Variants in MESP1 observed in about 807,000 individuals in gnomAD.
The protein encoded by MESP1 is mesoderm posterior bHLH transcription factor 1.
Under a neutral mutation model 15.2 loss-of-function variants are expected in MESP1, and 22 were observed. The observed-to-expected ratio is 1.45, with a 90% CI of 1.04 to 2.07. MESP1 has a LOEUF of 2.07. MESP1 is among the 30% of genes most tolerant of loss of function. The probability of loss-of-function intolerance (pLI) is 0.00; values close to 1 mark genes in which losing one functional copy is unlikely to be tolerated. For synonymous variants in MESP1, 216 were observed against 192.6 expected (o/e 1.12, Z -1.01); for missense variants, 484 against 411.9 (o/e 1.17, Z -1.51).
At chr15:89,747,593 T>C (rs1047178387), downstream of MESP1, among the ~76,000 whole-genome samples, 2 of 152,074 alleles carry the variant, frequency 1.3e-5, no homozygotes, top group African/African-American at 4.8e-5. Context: ...TGACTGGGCC[T>C]CAGGGGAGGT....
At chr15:89,750,442 C>T (rs1446280995) in intron 1 of MESP1, 67 bp downstream of exon 1, 2 of 1,462,974 alleles carry the variant, frequency 1.4e-6, no homozygotes, top group Non-Finnish European at 1.8e-6. Context: ...CTGGTCCTCA[C>T]CTTGGCGGGC....
Position 89,750,861 on chromosome 15 carries a change from T to A in MESP1, c.371A>T (p.Glu124Val). The A allele has an allele frequency of 6.5e-7, 1 of 1,528,680 alleles. No individual in the cohort carries two copies. The highest frequency in any genetic ancestry group is 8.7e-7 in the Non-Finnish European group (1 of 1,142,992). 94.7% of individuals were successfully genotyped at this position (1,528,680 alleles called of 1,614,324 possible). A position where few individuals can be genotyped will look rare whatever the true frequency, so the allele number is the denominator to read the frequency against. Residue 124 changes from glutamate to valine, a missense_variant, in exon 1 of 2, where the codon GAG (glutamate) becomes GTG (valine). Glu to Val is a moderately radical substitution (Grantham distance 121). Coordinates refer to ENST00000300057, the MANE Select transcript of MESP1 (RefSeq NM_018670.4). The part of the protein sequence containing the change: ...APAGQSLTKI[E>V]TLRLAIRYIG... The stretch of plus-strand genomic sequence containing the variant: ...ATAGCGGATAGCCAGGCGCAGCGTC[T>A]CGATCTTGGTCAGGCTCTGGCCCGC...
In MESP1 at chr15:89,751,167, G is replaced by C. The variant is rs569929702; in HGVS notation, c.65C>G (p.Thr22Ser). 3.8e-4 allele frequency: 487 copies of C among 1,271,606 alleles called. 9 individuals carry two copies. The East Asian group carries it at 0.014, about 38-fold the overall frequency. 78.8% of individuals were successfully genotyped at this position (1,271,606 alleles called of 1,614,324 possible). ...CTTGTCGGAGGGCGGCGGCCGCCGA[G>C]TTGGGCCCCAGGCCGCAGAGAGCAT... ...SWMLSAAWGPTRRPPPSDKDC... is the reference protein window; with the variant it reads ...SWMLSAAWGPSRRPPPSDKDC... The change falls in exon 1 of 2, where the codon ACT becomes AGT. Residue 22 changes from threonine (T) to serine (S), a missense_variant. Physicochemically the swap from Thr to Ser is moderately conservative, Grantham distance 58. Transcript: ENST00000300057.
chr15:89,747,677 A>T (rs959731662), downstream of MESP1, among the ~76,000 whole-genome samples: 4 of 152,176 alleles, frequency 2.6e-5, no homozygotes, highest in Non-Finnish European at 5.9e-5. Flanking sequence ...ACACCTGGTG[A>T]TTACGCACAC....
chr15:89,732,641 AC>A, the MESP1 span, among the ~76,000 whole-genome samples: 1 of 149,570 alleles, frequency 6.7e-6, no homozygotes, highest in East Asian at 1.9e-4. Flanking sequence ...ACACACACAC[AC>A]CGCCTTTTCT....
downstream of MESP1, among the ~76,000 whole-genome samples, chr15:89,747,301 C>A (rs888403341): frequency 7.2e-5 from 11 of 152,200 alleles, no homozygotes; most frequent in African/African-American, 2.7e-4. Flanking sequence ...AGAGTGCAAA[C>A]CTACCCACCT....
the MESP1 span, chr15:89,733,028 T>C: frequency 1.9e-6 from 3 of 1,614,200 alleles, no homozygotes; most frequent in Non-Finnish European, 2.5e-6. Flanking sequence ...GGGTCGCTGC[T>C]CTTCCTCAGG....
rs201384318 is a variant in MESP1 at position 89,750,176 on chromosome 15, G to A, written c.775C>T (p.Pro259Ser). The change falls in exon 2 of 2, where the codon CCT becomes TCT. Residue 259 changes from proline (P) to serine (S), a missense_variant. Physicochemically the swap from Pro to Ser is moderately conservative, Grantham distance 74. Coordinates refer to ENST00000300057, the MANE Select transcript of MESP1 (RefSeq NM_018670.4). ...GGCTCCTCAGGCAGCCACTCCAGAGGCGAGAGGGGCATCCAGGTCTCCAAC... is the reference window on the plus strand; with the variant it reads ...GGCTCCTCAGGCAGCCACTCCAGAGACGAGAGGGGCATCCAGGTCTCCAAC... The part of the protein sequence containing the change: ...ALLETWMPLS[P>S]LEWLPEEPK The A allele has an allele frequency of 2.3e-5, 37 of 1,614,096 alleles. No individual in the cohort carries two copies. The East Asian group carries it at 4.0e-4, about 17-fold the overall frequency.
chr15:89,742,973 C>A, the MESP1 span, among the ~76,000 whole-genome samples: 4 of 152,252 alleles, frequency 2.6e-5, no homozygotes, highest in African/African-American at 9.6e-5. Context: ...TGTGTCAGAA[C>A]ATCTTCCTTT....
In MESP1 at chr15:89,750,243, G is replaced by A; in HGVS notation, c.724-16C>T. 6.2e-7 allele frequency: 1 copy of A among 1,613,050 alleles called. No homozygotes were observed. The highest frequency in any genetic ancestry group is 8.5e-7 in the Non-Finnish European group (1 of 1,179,520). Reference sequence around the variant, plus strand: ...CCGGAAGGAGCTGTAGGGAGAGACGGAACAGCGCAGCCCTCAAGCACTGGT... The same window carrying A: ...CCGGAAGGAGCTGTAGGGAGAGACGAAACAGCGCAGCCCTCAAGCACTGGT... On this transcript the variant is annotated splice_polypyrimidine_tract_variant and intron_variant, in intron 1 of 1. Transcript: ENST00000300057.
downstream of MESP1, among the ~76,000 whole-genome samples, chr15:89,748,026 A>C (rs1282156044): frequency 6.6e-6 from 1 of 152,216 alleles, no homozygotes; most frequent in East Asian, 1.9e-4. Context: ...CTTGTTAATG[A>C]AAATTCACAC....
At chr15:89,735,775 G>A in the MESP1 span, among the ~76,000 whole-genome samples, 2 of 152,230 alleles carry the variant, frequency 1.3e-5, no homozygotes, top group Admixed American at 6.5e-5. Flanking sequence ...CTTAGAACAT[G>A]AGAAAGGCTG....
downstream of MESP1, among the ~76,000 whole-genome samples, chr15:89,746,911 G>A (rs114759100): frequency 0.029 from 1,427 of 49,946 alleles, 61 homozygotes; most frequent in African/African-American, 0.11. Context: ...ACACAGCCCC[G>A]CCTCCACACA....
the MESP1 span, chr15:89,735,435 C>G: frequency 3.2e-6 from 5 of 1,573,712 alleles, no homozygotes. Flanking sequence ...AAGAGGATAT[C>G]AAAACTTTTA....
At chr15:89,740,966 C>T in the MESP1 span, among the ~76,000 whole-genome samples, 7 of 151,892 alleles carry the variant, frequency 4.6e-5, no homozygotes, top group South Asian at 2.1e-4. Context: ...ATGGTGAAAC[C>T]CCGTCTCTAC....
At chr15:89,737,905 C>T in the MESP1 span, 3 of 1,318,766 alleles carry the variant, frequency 2.3e-6, no homozygotes, top group African/African-American at 1.5e-5. Context: ...GCAGGGTCTT[C>T]TCTCTGAAGT....
rs780210602 is a variant in MESP1, at chr15:89,751,037, G to GCGGGGGTCC, written c.186_194dup (p.Asp63_Arg65dup). 2.7e-5 allele frequency: 36 copies of GCGGGGGTCC among 1,347,278 alleles called. No individual in the cohort carries two copies. Among genetic ancestry groups the GCGGGGGTCC allele is most frequent in the Non-Finnish European group, 3.3e-5 (35 of 1,057,914 alleles). The allele number at this position is 1,347,278 out of a possible 1,614,324, so 83.5% of individuals were successfully genotyped here. On this transcript the variant is annotated inframe_insertion, in exon 1 of 2. Coordinates refer to ENST00000300057, the MANE Select transcript of MESP1 (RefSeq NM_018670.4). ...CGCCGCGCCTACCTACGGAGGGGGC[G>GCGGGGGTCC]CGGGGGTCCCGGAGGGTGCCTGGCC...
downstream of MESP1, chr15:89,749,250 A>G (rs1596145427): frequency 6.6e-6 from 1 of 152,174 alleles, no homozygotes; most frequent in South Asian, 2.1e-4. Flanking sequence ...TAAACTCAGG[A>G]CCGCCACACC....
At chr15:89,737,006 T>C in the MESP1 span, among the ~76,000 whole-genome samples, 1 of 152,264 alleles carries the variant, frequency 6.6e-6, no homozygotes, top group South Asian at 2.1e-4. Context: ...TTAGCCAGGA[T>C]GGTCTCGATC....
Sources: gnomAD v4.1 joint callset for allele counts (sites outside exome capture counted in the v4.1 genomes callset) on GRCh38, gnomAD v4.1.1 for gene constraint, MANE v1.5 for transcripts, NCBI Gene and HGNC (gene_info 2026-07-23, HGNC 2026-07-21) for gene names.